Variants in SDK1 observed in about 807,000 individuals in gnomAD.
SDK1 encodes the protein sidekick cell adhesion molecule 1.
Under a neutral mutation model 245.5 loss-of-function variants are expected in SDK1, and 157 were observed. The observed-to-expected ratio is 0.64, with a 90% CI of 0.56 to 0.73. The LOEUF (loss-of-function observed/expected upper bound fraction) is 0.73. Ranked by LOEUF, SDK1 falls within the 30% of genes least tolerant of loss-of-function variation. The pLI is 0.00. For synonymous variants in SDK1, 1,647 were observed against 1,278.5 expected (o/e 1.29, Z -6.15); for missense variants, 3,583 against 3,002.3 (o/e 1.19, Z -4.52).
chr7:3,792,691 CCCATCCATCCAT>C (rs71029696), intron 4 of SDK1, among the ~76,000 whole-genome samples: 1,757 of 148,096 alleles, frequency 0.012, 27 homozygotes, highest in African/African-American at 0.041. Flanking sequence ...CCTGCAGTCT[CCCATCCATCCAT>C]CCATCCATCC....
intron 1 of SDK1, among the ~76,000 whole-genome samples, chr7:3,487,746 C>T (rs1781743613): frequency 8.2e-6 from 1 of 121,866 alleles, no homozygotes; most frequent in Admixed American, 9.3e-5. Context: ...CAGAGCAAGA[C>T]CCCATCTCAA....
intron 1 of SDK1, among the ~76,000 whole-genome samples, chr7:3,538,271 C>G (rs1042267924): frequency 5.3e-5 from 8 of 152,144 alleles, no homozygotes; most frequent in African/African-American, 1.9e-4. Flanking sequence ...CCTCCCACTG[C>G]TGTGATGTTT....
intron 5 of SDK1, among the ~76,000 whole-genome samples, chr7:3,926,013 G>A (rs565114918): frequency 8.7e-4 from 133 of 152,328 alleles, no homozygotes; most frequent in African/African-American, 3.1e-3. Flanking sequence ...AGGGCAGCAC[G>A]TGAGAGTGTG....
chr7:4,110,260 C>T (rs1301460675), intron 22 of SDK1, among the ~76,000 whole-genome samples: 1 of 152,204 alleles, frequency 6.6e-6, no homozygotes, highest in East Asian at 1.9e-4. Flanking sequence ...CACTGCTTAC[C>T]ATGGTCCTGG....
chr7:4,038,831 A>G (rs1181258501), intron 17 of SDK1, among the ~76,000 whole-genome samples: 1 of 152,218 alleles, frequency 6.6e-6, no homozygotes, highest in Non-Finnish European at 1.5e-5. Context: ...TCTGTATGAG[A>G]TCAATGCTTT....
chr7:3,400,258 T>A (rs537991818), intron 1 of SDK1, among the ~76,000 whole-genome samples: 11 of 152,306 alleles, frequency 7.2e-5, no homozygotes, highest in African/African-American at 2.4e-4. Flanking sequence ...TAGCCAAGAT[T>A]CAGCAGCTTT....
intron 1 of SDK1, among the ~76,000 whole-genome samples, chr7:3,480,355 G>A (rs1437053249): frequency 6.6e-6 from 1 of 152,006 alleles, no homozygotes; most frequent in East Asian, 1.9e-4. Context: ...GTGCACATAT[G>A]CTCATGTAGG....
At chr7:3,712,120 A>G (rs1785067212) in intron 4 of SDK1, among the ~76,000 whole-genome samples, 1 of 152,122 alleles carries the variant, frequency 6.6e-6, no homozygotes, top group South Asian at 2.1e-4. Flanking sequence ...ATGGCCTGTT[A>G]GGAACCAGGC....
At chr7:3,432,762 TGAAA>T (rs1285035113) in intron 1 of SDK1, among the ~76,000 whole-genome samples, 1 of 152,178 alleles carries the variant, frequency 6.6e-6, no homozygotes, top group African/African-American at 2.4e-5. Flanking sequence ...AAGTTGCTTT[TGAAA>T]GAGTCAGTTT....
chr7:3,596,843 A>G (rs1455456452), intron 1 of SDK1, among the ~76,000 whole-genome samples: 1 of 152,070 alleles, frequency 6.6e-6, no homozygotes, highest in Non-Finnish European at 1.5e-5. Flanking sequence ...TTATGAACAG[A>G]AAAAGGAAAG....
chr7:4,021,451 T>C (rs1786887606), intron 17 of SDK1, among the ~76,000 whole-genome samples: 1 of 152,164 alleles, frequency 6.6e-6, no homozygotes, highest in African/African-American at 2.4e-5. Flanking sequence ...GACAGGAGCT[T>C]AAACAAGATA....
rs551159178 is a variant in SDK1 at position 3,626,039 on chromosome 7, A to G, written c.458+6800A>G. Among the ~76,000 whole-genome samples, 594 of 147,676 alleles carry G rather than the reference A, an allele frequency of 4.0e-3. 6 individuals carry two copies. Among genetic ancestry groups the G allele is most frequent in the African/African-American group, 0.014 (578 of 39,868 alleles). On this transcript the variant is annotated intron_variant, in intron 2 of 44. Coordinates refer to ENST00000404826, the MANE Select transcript of SDK1 (RefSeq NM_152744.4). ...GCTCATTGCAGCCTGGAACTCCTAG[A>G]CTGAAGTGATCCTTCTGCACCAGCC...
chr7:3,425,396 A>T (rs776946619), intron 1 of SDK1, among the ~76,000 whole-genome samples: 1 of 152,030 alleles, frequency 6.6e-6, no homozygotes, highest in Non-Finnish European at 1.5e-5. Flanking sequence ...TTTCTGAGTA[A>T]CTCTTTGGTA....
intron 1 of SDK1, among the ~76,000 whole-genome samples, chr7:3,541,567 A>G (rs1164025582): frequency 1.3e-5 from 2 of 152,156 alleles, no homozygotes; most frequent in East Asian, 3.9e-4. Context: ...CCTTCTTACC[A>G]CTGTACCCAT....
intron 1 of SDK1, among the ~76,000 whole-genome samples, chr7:3,513,322 G>C (rs1351720513): frequency 1.3e-5 from 2 of 152,154 alleles, no homozygotes; most frequent in Non-Finnish European, 2.9e-5. Context: ...CGAATAAAGA[G>C]ATATGCTATA....
At chr7:4,205,541 C>G (rs996397155) in intron 35 of SDK1, among the ~76,000 whole-genome samples, 2 of 152,202 alleles carry the variant, frequency 1.3e-5, no homozygotes, top group African/African-American at 2.4e-5. Context: ...GATCTCATAC[C>G]TTTGGTTTCA....
chr7:4,021,824 A>T (rs572030422), intron 17 of SDK1, among the ~76,000 whole-genome samples: 39 of 152,334 alleles, frequency 2.6e-4, no homozygotes, highest in Middle Eastern at 3.4e-3. Context: ...TAAGGAAGGA[A>T]GGGGAAGCTC....
At chr7:3,837,391 A>G (rs553381268) in intron 5 of SDK1, among the ~76,000 whole-genome samples, 1 of 152,230 alleles carries the variant, frequency 6.6e-6, no homozygotes, top group African/African-American at 2.4e-5. Context: ...CCCCAGTTTA[A>G]ACAGTCTGTG....
intron 1 of SDK1, among the ~76,000 whole-genome samples, chr7:3,591,183 G>T (rs1009398556): frequency 1.3e-5 from 2 of 152,158 alleles, no homozygotes; most frequent in African/African-American, 4.8e-5. Flanking sequence ...GCAGTTCAAG[G>T]TGTTAACCTT....
Sources: allele counts gnomAD v4.1 joint callset (sites outside exome capture counted in the v4.1 genomes callset), GRCh38; gene constraint gnomAD v4.1.1; transcripts MANE v1.5; gene names NCBI Gene and HGNC (gene_info 2026-07-23, HGNC 2026-07-21).